EYS: variants seen among roughly 807,000 people sequenced by gnomAD.
The protein encoded by EYS is protein eyes shut homolog.
EYS carries 250 observed loss-of-function variants against 282.1 expected under a neutral mutation model. The observed-to-expected ratio is 0.89, with a 90% CI of 0.80 to 0.98. The LOEUF (loss-of-function observed/expected upper bound fraction) is 0.98, where lower values mean the gene tolerates loss of function less well. EYS is among the 50% of genes least tolerant of loss of function. The pLI, the probability that EYS is intolerant of heterozygous loss-of-function variation, is 0.00. For synonymous variants in EYS, 1,355 were observed against 1,282.9 expected, an observed-to-expected ratio of 1.06 and a Z score of -1.20; for missense variants, 4,016 against 3,709.0, an observed-to-expected ratio of 1.08 and a Z score of -2.15.
At chr6:65,485,531 G>A (rs913705641) in intron 5 of EYS, among the ~76,000 whole-genome samples, 3 of 152,230 alleles carry the variant, frequency 2.0e-5, no homozygotes, top group Non-Finnish European at 2.9e-5. Flanking sequence ...TTGGCTGTGC[G>A]TGGTGGCTCA....
intron 2 of EYS, among the ~76,000 whole-genome samples, chr6:65,630,187 T>A (rs1159958481): frequency 6.6e-6 from 1 of 152,250 alleles, no homozygotes; most frequent in Admixed American, 6.5e-5. Context: ...AAATGGTCAC[T>A]GTGGTTGTCT....
At chr6:65,307,333 AC>A (rs1466217666) in intron 11 of EYS, among the ~76,000 whole-genome samples, 6 of 151,612 alleles carry the variant, frequency 4.0e-5, no homozygotes, top group Admixed American at 6.6e-5. Context: ...CTCCTCTCTT[AC>A]TGCAGTCTTG....
rs528604198 is a variant in EYS, at chr6:65,145,890, T to A, written c.2024-88163A>T. Among the ~76,000 whole-genome samples the A allele has an allele frequency of 5.4e-4, 82 of 152,124 alleles. 1 individual carries two copies. Among genetic ancestry groups the A allele is most frequent in the Admixed American group, 2.5e-3 (38 of 15,262 alleles). On this transcript the variant is annotated intron_variant, in intron 12 of 42. Coordinates refer to ENST00000503581, the MANE Select transcript of EYS (RefSeq NM_001142800.2). ...TCCATTCCATATAGGAATATATTAC[T>A]GAACTCTAATATGACTAGGTTTAAA...
chr6:65,554,770 C>T (rs1272165344), intron 2 of EYS, among the ~76,000 whole-genome samples: 2 of 152,094 alleles, frequency 1.3e-5, no homozygotes, highest in Non-Finnish European at 2.9e-5. Flanking sequence ...CATAAAATGG[C>T]ACAAAGGCTA....
At chr6:64,917,628 T>A (rs993276957) in intron 15 of EYS, among the ~76,000 whole-genome samples, 2 of 152,174 alleles carry the variant, frequency 1.3e-5, no homozygotes, top group Admixed American at 1.3e-4. Context: ...CAATTGTACA[T>A]GATCATGACT....
intron 26 of EYS, among the ~76,000 whole-genome samples, chr6:64,470,213 A>G (rs933479298): frequency 4.6e-5 from 7 of 151,856 alleles, no homozygotes; most frequent in Non-Finnish European, 8.8e-5. Context: ...CTTTATTTCT[A>G]CGCTCTCTTG....
At chr6:64,624,390 G>A (rs1767536687) in intron 23 of EYS, among the ~76,000 whole-genome samples, 1 of 152,074 alleles carries the variant, frequency 6.6e-6, no homozygotes, top group Non-Finnish European at 1.5e-5. Flanking sequence ...AACTGTTTCT[G>A]TAGAATTTAT....
chr6:64,662,859 G>C (rs1450774511), intron 22 of EYS, among the ~76,000 whole-genome samples: 1 of 151,268 alleles, frequency 6.6e-6, no homozygotes, highest in African/African-American at 2.4e-5. Flanking sequence ...CTGACTCAAG[G>C]AATTCTGACT....
chr6:63,984,412 A>T lies in EYS; in HGVS notation c.7026T>A (p.His2342Gln). ...ENCHVPWCAH[H>Q]LCRNNGTCIS... is the part of the protein sequence containing the mutation. The stretch of plus-strand genomic sequence containing the variant: ...TGCAGGTGCCATTGTTGCGGCACAG[A>T]TGATGAGCACACCAAGGGACGTGGC... The change falls in exon 35 of 43, where the codon CAT becomes CAA. Residue 2342 changes from histidine (H) to glutamine (Q), a missense_variant. His to Gln is a conservative substitution (Grantham distance 24). Transcript: ENST00000503581. 1 of 1,549,544 alleles carries T rather than the reference A, an allele frequency of 6.5e-7. No homozygotes were observed. Among genetic ancestry groups the T allele is most frequent in the Non-Finnish European group, 8.7e-7 (1 of 1,145,438 alleles).
intron 35 of EYS, among the ~76,000 whole-genome samples, chr6:63,868,057 C>T (rs1014784524): frequency 1.3e-5 from 2 of 152,006 alleles, no homozygotes; most frequent in African/African-American, 2.4e-5. Flanking sequence ...CACATATATC[C>T]GTCAAAGTAC....
intron 19 of EYS, among the ~76,000 whole-genome samples, chr6:64,860,304 T>C (rs988218264): frequency 6.6e-6 from 1 of 152,224 alleles, no homozygotes; most frequent in Non-Finnish European, 1.5e-5. Flanking sequence ...CCACTTGGCA[T>C]GGCAGGCTGT....
intron 37 of EYS, among the ~76,000 whole-genome samples, chr6:63,798,557 G>A (rs1368947846): frequency 6.6e-6 from 1 of 152,154 alleles, no homozygotes; most frequent in Non-Finnish European, 1.5e-5. Context: ...TGTTACATTA[G>A]GGAATTGGCC....
intron 30 of EYS, among the ~76,000 whole-genome samples, chr6:64,266,786 A>G (rs145143706): frequency 1.2e-3 from 177 of 152,250 alleles, no homozygotes; most frequent in African/African-American, 4.1e-3. Flanking sequence ...GCTAACCCTA[A>G]GTTCTTAACC....
At chr6:65,469,077 T>G (rs1357977139) in intron 5 of EYS, among the ~76,000 whole-genome samples, 1 of 152,108 alleles carries the variant, frequency 6.6e-6, no homozygotes, top group African/African-American at 2.4e-5. Flanking sequence ...AAATTTGAAT[T>G]TCTGATAGAA....
chr6:64,721,526 A>G (rs1266658477), intron 22 of EYS, among the ~76,000 whole-genome samples: 1 of 152,160 alleles, frequency 6.6e-6, no homozygotes, highest in Non-Finnish European at 1.5e-5. Context: ...GATGGCCTCA[A>G]ATGGGTGGGG....
intron 12 of EYS, among the ~76,000 whole-genome samples, chr6:65,277,470 C>T (rs1442970804): frequency 1.3e-5 from 2 of 151,316 alleles, no homozygotes; most frequent in African/African-American, 2.4e-5. Context: ...AAAAGCGCCC[C>T]GGAAAACTTT....
chr6:65,268,717 C>T (rs1767821947), intron 12 of EYS, among the ~76,000 whole-genome samples: 1 of 151,860 alleles, frequency 6.6e-6, no homozygotes, highest in Non-Finnish European at 1.5e-5. Flanking sequence ...GAAAGAAGAA[C>T]ATCATCGTTT....
At chr6:63,846,447 C>T (rs1484352996) in intron 36 of EYS, among the ~76,000 whole-genome samples, 1 of 152,158 alleles carries the variant, frequency 6.6e-6, no homozygotes, top group Non-Finnish European at 1.5e-5. Context: ...TTAACAATTT[C>T]AAGTTGGTTT....
intron 22 of EYS, among the ~76,000 whole-genome samples, chr6:64,654,380 G>A (rs992209190): frequency 1.3e-5 from 2 of 152,146 alleles, no homozygotes; most frequent in Admixed American, 6.6e-5. Context: ...ACATGCTACT[G>A]TTGTCTAGAG....
Sources: gnomAD v4.1 joint callset for allele counts (sites outside exome capture counted in the v4.1 genomes callset) on GRCh38, gnomAD v4.1.1 for gene constraint, MANE v1.5 for transcripts, NCBI Gene and HGNC (gene_info 2026-07-23, HGNC 2026-07-21) for gene names.